The following MKLN1 variants were observed in gnomAD, a reference collection of about 807,000 sequenced individuals.
MKLN1 encodes the protein muskelin.
A neutral mutation model predicts 99.0 loss-of-function variants in MKLN1; 18 were observed. That is an observed-to-expected ratio of 0.18 (90% CI 0.13 to 0.27). The LOEUF is 0.27. Among genes scored for constraint, MKLN1 ranks in the 10% least tolerant of loss-of-function variants. MKLN1 has a pLI of 1.00. For missense variants in MKLN1, 621 were observed against 875.9 expected, an observed-to-expected ratio of 0.71 and a Z score of 3.67; for synonymous variants, 288 against 293.2, an observed-to-expected ratio of 0.98 and a Z score of 0.18.
intron 1 of MKLN1, among the ~76,000 whole-genome samples, chr7:131,133,820 G>GTTTTTTTTT (rs1563226583): frequency 8.3e-5 from 2 of 24,062 alleles, no homozygotes; most frequent in African/African-American, 1.5e-4. Flanking sequence ...TTTTAATTTG[G>GTTTTTTTTT]TTTTTTTTTT....
At position 131,445,817 on chromosome 7, in the gene MKLN1, C is replaced by A; in HGVS notation, c.1439C>A (p.Thr480Asn). 1 of 1,607,476 alleles carries A rather than the reference C, an allele frequency of 6.2e-7. No individual in the cohort carries two copies. Among genetic ancestry groups the A allele is most frequent in the African/African-American group, 1.3e-5 (1 of 74,574 alleles). ...LYVFGGQRSK[T>N]YLNDFFSYDV... ...GTATTTGGTGGCCAGCGATCAAAGA[C>A]CTATTTGAATGATTTCTTTAGTTAT... Residue 480 changes from threonine to asparagine, a missense_variant, in exon 12 of 18, where the codon ACC becomes AAC. Physicochemically the swap from Thr to Asn is moderately conservative, Grantham distance 65. Coordinates refer to ENST00000352689, the MANE Select transcript of MKLN1 (RefSeq NM_013255.5).
intron 1 of MKLN1, among the ~76,000 whole-genome samples, chr7:131,133,543 G>A (rs1339838976): frequency 2.0e-5 from 3 of 150,812 alleles, no homozygotes; most frequent in Admixed American, 6.6e-5. Flanking sequence ...TAGTAGAGAT[G>A]GGGTTTCACC....
At chr7:131,216,348 A>C (rs1165302848) in intron 3 of MKLN1, among the ~76,000 whole-genome samples, 1 of 151,388 alleles carries the variant, frequency 6.6e-6, no homozygotes. Context: ...GCTTAAAACC[A>C]GGAGGCGGAG....
intron 9 of MKLN1, among the ~76,000 whole-genome samples, chr7:131,436,321 T>C (rs1279717936): frequency 2.0e-5 from 3 of 152,218 alleles, no homozygotes; most frequent in East Asian, 1.9e-4. Context: ...TAGTTCTTTA[T>C]TGCCTACAAG....
chr7:131,429,535 C>G (rs1795460657), intron 9 of MKLN1, among the ~76,000 whole-genome samples: 1 of 151,980 alleles, frequency 6.6e-6, no homozygotes, highest in South Asian at 2.1e-4. Flanking sequence ...TCACTATCTC[C>G]CTATTTTGGC....
rs554549210 is a variant in MKLN1 at position 131,180,160 on chromosome 7, G to A, written c.-296-22697G>A. On this transcript the variant is annotated intron_variant, in intron 2 of 7. Coordinates refer to the MKLN1 transcript ENST00000416992. ...TATGAAATGTAGCTCTAGATTACTT[G>A]GTGAAATTATTAATCCTTTTCTGAT... Among the ~76,000 whole-genome samples, 44 of 152,284 alleles carry A rather than the reference G, an allele frequency of 2.9e-4. 1 individual carries two copies. Among genetic ancestry groups the A allele is most frequent in the African/African-American group, 9.1e-4 (38 of 41,560 alleles).
chr7:131,462,616 C>CCACAAATCATTTAG (rs1481909896), intron 12 of MKLN1, among the ~76,000 whole-genome samples: 1 of 152,092 alleles, frequency 6.6e-6, no homozygotes, highest in African/African-American at 2.4e-5. Flanking sequence ...TTTAGTCTTT[C>CCACAAATCATTTAG]CACAAATCAT....
At chr7:131,292,260 G>C (rs1798230699) in intron 3 of MKLN1, among the ~76,000 whole-genome samples, 1 of 152,142 alleles carries the variant, frequency 6.6e-6, no homozygotes, top group African/African-American at 2.4e-5. Context: ...TAAAAAGTTG[G>C]GGAAGGGAAG....
chr7:131,117,193 A>T, intron 1 of MKLN1, among the ~76,000 whole-genome samples: 1 of 152,250 alleles, frequency 6.6e-6, no homozygotes, highest in South Asian at 2.1e-4. Context: ...GCACTTTGGG[A>T]GGCTGAGGTG....
chr7:131,277,370 G>A (rs577165377), intron 3 of MKLN1, among the ~76,000 whole-genome samples: 6 of 151,318 alleles, frequency 4.0e-5, no homozygotes, highest in East Asian at 3.9e-4. Flanking sequence ...TGCAACCTCC[G>A]CCTCCTGGGT....
chr7:131,116,156 TTAG>T (rs528252513), intron 1 of MKLN1, among the ~76,000 whole-genome samples: 1 of 151,684 alleles, frequency 6.6e-6, no homozygotes, highest in African/African-American at 2.4e-5. Flanking sequence ...AGACAAAAAA[TTAG>T]TAGGGCATGG....
chr7:131,353,982 T>C (rs537446667), intron 1 of MKLN1, among the ~76,000 whole-genome samples: 6 of 151,874 alleles, frequency 4.0e-5, no homozygotes, highest in Non-Finnish European at 7.4e-5. Context: ...CCTAATGATA[T>C]GTGTCTGTCC....
chr7:131,447,976 C>A (rs1192127081), intron 12 of MKLN1, among the ~76,000 whole-genome samples: 4 of 152,168 alleles, frequency 2.6e-5, no homozygotes, highest in Admixed American at 6.5e-5. Context: ...CACCTGTAAT[C>A]CCAGCAGTTT....
chr7:131,194,632 G>T (rs73489260), intron 2 of MKLN1, among the ~76,000 whole-genome samples: 4 of 152,130 alleles, frequency 2.6e-5, no homozygotes, highest in Non-Finnish European at 5.9e-5. Flanking sequence ...TGCCACAGCC[G>T]CATCTCAATT....
chr7:131,491,413 A>T lies in MKLN1; in HGVS notation c.*3685A>T, dbSNP rs956626624. ...GAGTATCATACAGTGTCTACATATG[A>T]TAGTACTTACAGATTAGGTCTTTGG... On this transcript the variant is annotated 3_prime_UTR_variant, in exon 18 of 18. Coordinates refer to ENST00000352689, the MANE Select transcript of MKLN1 (RefSeq NM_013255.5). The T allele has an allele frequency of 2.0e-5, 3 of 152,114 alleles. No homozygotes were observed. The highest frequency in any genetic ancestry group is 7.2e-5 in the African/African-American group (3 of 41,412). The allele number at this position is 152,114 out of a possible 1,614,324, so 9.4% of individuals were successfully genotyped here. A position where few individuals can be genotyped will look rare whatever the true frequency, so the allele number is the denominator to read the frequency against.
At chr7:131,411,679 G>A (rs1187300938) in intron 7 of MKLN1, among the ~76,000 whole-genome samples, 6 of 151,928 alleles carry the variant, frequency 3.9e-5, no homozygotes, top group Admixed American at 6.6e-5. Flanking sequence ...GGCCAAGGTG[G>A]GCAGATCACC....
chr7:131,309,610 G>A (rs117710511), intron 3 of MKLN1: 2,338 of 151,452 alleles, frequency 0.015, 24 homozygotes, highest in Non-Finnish European at 0.023. Flanking sequence ...ACAGGGTTTC[G>A]CCACATTGGT....
chr7:131,281,024 T>G (rs1463891992), intron 3 of MKLN1, among the ~76,000 whole-genome samples: 3 of 152,228 alleles, frequency 2.0e-5, no homozygotes, highest in Non-Finnish European at 4.4e-5. Flanking sequence ...TGGTGTTACT[T>G]GAAGAACAAA....
At chr7:131,376,130 A>ATG (rs1563318276) in intron 2 of MKLN1, among the ~76,000 whole-genome samples, 1 of 376 alleles carries the variant, frequency 2.7e-3, no homozygotes, top group African/African-American at 6.3e-3. Flanking sequence ...ATATATATAT[A>ATG]TATATGTATG....
Sources: allele counts gnomAD v4.1 joint callset (sites outside exome capture counted in the v4.1 genomes callset), GRCh38; gene constraint gnomAD v4.1.1; transcripts MANE v1.5; gene names NCBI Gene and HGNC (gene_info 2026-07-23, HGNC 2026-07-21).